The following LSAMP variants were observed in gnomAD, a reference collection of about 807,000 sequenced individuals.
LSAMP encodes the protein limbic system associated membrane protein.
In LSAMP, 7 loss-of-function variants were observed where a neutral mutation model predicts 38.6. That is an observed-to-expected ratio of 0.18 (90% CI 0.10 to 0.34). The LOEUF (loss-of-function observed/expected upper bound fraction) is 0.34. Among genes scored for constraint, LSAMP ranks in the 10% least tolerant of loss-of-function variants. The pLI, the probability that LSAMP is intolerant of heterozygous loss-of-function variation, is 1.00. For missense variants in LSAMP, 313 were observed against 420.0 expected, an observed-to-expected ratio of 0.75 and a Z score of 2.23; for synonymous variants, 154 against 166.8, an observed-to-expected ratio of 0.92 and a Z score of 0.59.
At chr3:116,192,237 A>G (rs79150196) in intron 1 of LSAMP, among the ~76,000 whole-genome samples, 5,278 of 152,194 alleles carry the variant, frequency 0.035, 275 homozygotes, top group African/African-American at 0.12. Context: ...TGTTCCGATC[A>G]GTGAGAGGTA....
At chr3:115,918,707 GT>G (rs11391475) in intron 3 of LSAMP, among the ~76,000 whole-genome samples, 114 of 135,184 alleles carry the variant, frequency 8.4e-4, no homozygotes, top group Middle Eastern at 4.0e-3. Context: ...TAAAGAACAG[GT>G]TTTTTTTTTT....
chr3:116,169,269 G>T (rs1280993523), intron 1 of LSAMP, among the ~76,000 whole-genome samples: 1 of 151,956 alleles, frequency 6.6e-6, no homozygotes, highest in Non-Finnish European at 1.5e-5. Context: ...GGCATATGGG[G>T]GGAAAAAAAG....
chr3:115,849,504 C>T (rs1307394690), intron 4 of LSAMP, among the ~76,000 whole-genome samples: 1 of 151,692 alleles, frequency 6.6e-6, no homozygotes, highest in African/African-American at 2.4e-5. Context: ...TAGTGGTACT[C>T]AGGGTCTGTT....
At chr3:116,385,334 A>G (rs1371069160) in intron 1 of LSAMP, among the ~76,000 whole-genome samples, 2 of 152,196 alleles carry the variant, frequency 1.3e-5, no homozygotes, top group Non-Finnish European at 2.9e-5. Flanking sequence ...TTATGATTCT[A>G]TGAGACAACT....
intron 1 of LSAMP, among the ~76,000 whole-genome samples, chr3:116,150,244 T>A (rs1426476999): frequency 6.6e-6 from 1 of 152,070 alleles, no homozygotes; most frequent in Non-Finnish European, 1.5e-5. Context: ...TAGGGTTTAC[T>A]TAAGTCACCA....
At chr3:116,188,537 C>T (rs1405194242) in intron 1 of LSAMP, among the ~76,000 whole-genome samples, 1 of 152,116 alleles carries the variant, frequency 6.6e-6, no homozygotes, top group Non-Finnish European at 1.5e-5. Flanking sequence ...TTCTAGTCTC[C>T]CTTTAGCCTG....
Position 115,911,045 on chromosome 3 carries a change from A to G in LSAMP, c.515-58428T>C, listed in dbSNP as rs375059606. Among the ~76,000 whole-genome samples the G allele has an allele frequency of 9.2e-5, 14 of 152,338 alleles. No individual in the cohort carries two copies. The East Asian group carries it at 2.3e-3, about 25-fold the overall frequency. ...AATACCCTGACATGATCATTTACAC[A>G]TTCTATGCATGTAACAAAATATCAC... On this transcript the variant is annotated intron_variant, in intron 3 of 6. Coordinates refer to ENST00000490035, the MANE Select transcript of LSAMP (RefSeq NM_002338.5).
intron 1 of LSAMP, among the ~76,000 whole-genome samples, chr3:116,264,184 T>C (rs1162321616): frequency 1.3e-5 from 2 of 152,200 alleles, no homozygotes; most frequent in Admixed American, 1.3e-4. Context: ...TATGTTCTGG[T>C]ATCTCCCTGG....
At chr3:116,354,059 T>C (rs2048185987) in intron 1 of LSAMP, among the ~76,000 whole-genome samples, 1 of 152,118 alleles carries the variant, frequency 6.6e-6, no homozygotes, top group East Asian at 1.9e-4. Flanking sequence ...CATTTTCCTT[T>C]TCACCCTTGA....
At chr3:115,922,922 T>C (rs1937416026) in intron 3 of LSAMP, among the ~76,000 whole-genome samples, 1 of 152,188 alleles carries the variant, frequency 6.6e-6, no homozygotes, top group African/African-American at 2.4e-5. Flanking sequence ...AAGCTCTCCC[T>C]TTTTCTTAGT....
intron 1 of LSAMP, among the ~76,000 whole-genome samples, chr3:116,149,642 T>C (rs939492890): frequency 6.6e-6 from 1 of 151,922 alleles, no homozygotes; most frequent in African/African-American, 2.4e-5. Flanking sequence ...GCTGGGCAGC[T>C]CAGCGTTATC....
At chr3:116,208,666 G>C (rs967178156) in intron 1 of LSAMP, among the ~76,000 whole-genome samples, 3 of 152,168 alleles carry the variant, frequency 2.0e-5, no homozygotes, top group Non-Finnish European at 4.4e-5. Context: ...TGCCGTGTGA[G>C]GTGTCAGTGT....
chr3:116,370,817 T>C (rs2048421194), intron 1 of LSAMP, among the ~76,000 whole-genome samples: 2 of 152,084 alleles, frequency 1.3e-5, no homozygotes, highest in South Asian at 4.1e-4. Flanking sequence ...ATCAACAACA[T>C]TGACAAACTT....
chr3:116,239,975 C>T (rs1205475996), intron 1 of LSAMP, among the ~76,000 whole-genome samples: 1 of 152,058 alleles, frequency 6.6e-6, no homozygotes, highest in South Asian at 2.1e-4. Context: ...TCAATGGTTT[C>T]TTCCATTTTT....
intron 3 of LSAMP, among the ~76,000 whole-genome samples, chr3:115,940,048 T>C (rs1274377161): frequency 6.6e-6 from 1 of 152,094 alleles, no homozygotes; most frequent in Non-Finnish European, 1.5e-5. Flanking sequence ...ACCTTCGCAG[T>C]GAGTGTTACA....
intron 2 of LSAMP, among the ~76,000 whole-genome samples, chr3:116,037,544 A>G (rs954662891): frequency 6.6e-6 from 1 of 152,128 alleles, no homozygotes; most frequent in African/African-American, 2.4e-5. Context: ...ATAACATTCC[A>G]ATTTTCTAGA....
At chr3:116,019,484 G>A (rs369499277) in intron 3 of LSAMP, 31 bp downstream of exon 3, 3 of 1,607,250 alleles carry the variant, frequency 1.9e-6, no homozygotes, top group South Asian at 1.1e-5. Flanking sequence ...TAAACAGCAT[G>A]TGGCATATTG....
At chr3:116,204,716 A>T (rs1489580194) in intron 1 of LSAMP, among the ~76,000 whole-genome samples, 1 of 151,686 alleles carries the variant, frequency 6.6e-6, no homozygotes, top group East Asian at 1.9e-4. Context: ...AGTTGTAGAT[A>T]TGCAGCGTTA....
chr3:115,930,145 T>C (rs1937559007), intron 3 of LSAMP, among the ~76,000 whole-genome samples: 1 of 151,638 alleles, frequency 6.6e-6, no homozygotes, highest in Non-Finnish European at 1.5e-5. Flanking sequence ...TCCATCTGTT[T>C]TACAGTTGGT....
Sources: allele counts gnomAD v4.1 joint callset (sites outside exome capture counted in the v4.1 genomes callset), GRCh38; gene constraint gnomAD v4.1.1; transcripts MANE v1.5; gene names NCBI Gene and HGNC (gene_info 2026-07-23, HGNC 2026-07-21).